The following OPHN1 variants were observed in gnomAD, a reference collection of about 807,000 sequenced individuals.
OPHN1 encodes the protein oligophrenin 1.
In OPHN1, 11 loss-of-function variants were observed where a neutral mutation model predicts 60.7. That is an observed-to-expected ratio of 0.18 (90% CI 0.11 to 0.30). The LOEUF (loss-of-function observed/expected upper bound fraction) is 0.30, where lower values mean the gene tolerates loss of function less well. OPHN1 is among the 10% of genes least tolerant of loss of function. The probability of loss-of-function intolerance (pLI) is 1.00; values close to 1 mark genes in which losing one functional copy is unlikely to be tolerated. For synonymous variants in OPHN1, 226 were observed against 222.6 expected (o/e 1.02, Z -0.14); for missense variants, 449 against 611.0 (o/e 0.73, Z 2.80).
At chrX:68,188,120 T>G (rs1481244050) in intron 15 of OPHN1, among the ~76,000 whole-genome samples, 1 of 112,056 alleles carries the variant, frequency 8.9e-6, no homozygotes, top group Non-Finnish European at 1.9e-5. Context: ...ACTGAAATTA[T>G]TTTTGCTAAG....
intron 11 of OPHN1, among the ~76,000 whole-genome samples, chrX:68,200,448 G>C (rs1026350448): frequency 9.0e-6 from 1 of 111,149 alleles, no homozygotes; most frequent in East Asian, 2.8e-4. Context: ...CTTGAGTTGG[G>C]GATATTATTT....
intron 2 of OPHN1, among the ~76,000 whole-genome samples, chrX:68,377,930 C>T (rs1314315022): frequency 8.9e-6 from 1 of 111,821 alleles, no homozygotes; most frequent in South Asian, 3.8e-4. Flanking sequence ...ATTTATACTC[C>T]TTTGGGTATA....
intron 2 of OPHN1, among the ~76,000 whole-genome samples, chrX:68,429,122 G>C (rs1472114768): frequency 9.0e-6 from 1 of 111,207 alleles, no homozygotes; most frequent in Non-Finnish European, 1.9e-5. Context: ...TTTTACAGAC[G>C]AAGTAAAAGT....
chrX:68,272,818 G>T (rs1260673251), intron 5 of OPHN1, among the ~76,000 whole-genome samples: 4 of 112,492 alleles, frequency 3.6e-5, no homozygotes, highest in African/African-American at 1.3e-4. Flanking sequence ...AACCATGGTA[G>T]CATATCCTTA....
chrX:68,418,886 C>T lies in OPHN1; in HGVS notation c.154+13981G>A, dbSNP rs191881833. The stretch of plus-strand genomic sequence containing the variant: ...GGAAATTATACTGTGATTATTTTTA[C>T]GAAGTATTATGTGTGGTATCACTAC... On this transcript the variant is annotated intron_variant, in intron 2 of 24. Coordinates refer to ENST00000355520, the MANE Select transcript of OPHN1 (RefSeq NM_002547.3). Among the ~76,000 whole-genome samples the T allele has an allele frequency of 2.0e-4, 22 of 111,765 alleles. No homozygotes were observed. In the East Asian group the frequency reaches 5.1e-3, roughly 26 times the overall value.
chrX:68,353,734 TG>T (rs2078425828), intron 2 of OPHN1, among the ~76,000 whole-genome samples: 1 of 112,211 alleles, frequency 8.9e-6, no homozygotes, highest in Non-Finnish European at 1.9e-5. Context: ...TTAACTTATT[TG>T]TAAGATTCCA....
chrX:68,168,580 C>G (rs1267306351), intron 15 of OPHN1, among the ~76,000 whole-genome samples: 1 of 111,151 alleles, frequency 9.0e-6, no homozygotes, highest in Non-Finnish European at 1.9e-5. Flanking sequence ...ACCTTAACAT[C>G]ACAATTAAAA....
At chrX:68,277,491 TA>T (rs897890915) in intron 4 of OPHN1, among the ~76,000 whole-genome samples, 1 of 111,875 alleles carries the variant, frequency 8.9e-6, no homozygotes, top group Non-Finnish European at 1.9e-5. Flanking sequence ...ATTTGCAGTT[TA>T]AAAAAATGTA....
chrX:68,077,949 T>C (rs1008549790), intron 19 of OPHN1, among the ~76,000 whole-genome samples: 9 of 112,151 alleles, frequency 8.0e-5, no homozygotes, highest in Admixed American at 4.7e-4. Flanking sequence ...TCTGTCATGT[T>C]AGGCAAGTCA....
At chrX:68,243,915 T>C (rs2077793392) in intron 5 of OPHN1, among the ~76,000 whole-genome samples, 1 of 112,298 alleles carries the variant, frequency 8.9e-6, no homozygotes, top group Non-Finnish European at 1.9e-5. Flanking sequence ...TATCACTGTA[T>C]CTGTCCAATA....
rs2076834298 is a variant in OPHN1, at chrX:68,046,943, A to G, written c.*229T>C. On this transcript the variant is annotated 3_prime_UTR_variant, in exon 25 of 25. Transcript: ENST00000355520. Reference sequence around the variant, plus strand: ...CTCTTCACAGTGTTATAGGAACTCAAAACAGACCTTCTGAGGGGATGAAGA... The same window carrying G: ...CTCTTCACAGTGTTATAGGAACTCAGAACAGACCTTCTGAGGGGATGAAGA... The G allele has an allele frequency of 9.0e-6, 1 of 111,671 alleles. No individual in the cohort carries two copies. 9.2% of individuals were successfully genotyped at this position (111,671 alleles called of 1,213,427 possible).
intron 2 of OPHN1, among the ~76,000 whole-genome samples, chrX:68,356,005 G>C (rs1053426524): frequency 1.8e-5 from 2 of 109,764 alleles, no homozygotes; most frequent in African/African-American, 6.6e-5. Flanking sequence ...GGCCGAGATT[G>C]TGCCACTGCA....
chrX:68,429,978 T>C (rs1267675768), intron 2 of OPHN1, among the ~76,000 whole-genome samples: 1 of 110,205 alleles, frequency 9.1e-6, no homozygotes, highest in Non-Finnish European at 1.9e-5. Context: ...ATGGCTGCAG[T>C]GAACTGCGAT....
At chrX:68,413,165 A>G (rs1176941868) in intron 2 of OPHN1, among the ~76,000 whole-genome samples, 1 of 111,735 alleles carries the variant, frequency 8.9e-6, no homozygotes, top group East Asian at 2.8e-4. Context: ...CCCTATTTAT[A>G]TATTTCTTCT....
At chrX:68,247,568 A>G (rs746787114) in intron 5 of OPHN1, among the ~76,000 whole-genome samples, 4 of 111,145 alleles carry the variant, frequency 3.6e-5, no homozygotes, top group Non-Finnish European at 7.5e-5. Flanking sequence ...GTAAAAAGAA[A>G]TGTTGACATT....
intron 21 of OPHN1, 113 bp from the exon 22 acceptor site, chrX:68,053,923 T>C: frequency 1.3e-6 from 1 of 782,392 alleles, no homozygotes; most frequent in Non-Finnish European, 1.8e-6. Context: ...CCTCCATTTC[T>C]TCTTGGTGAC....
chrX:68,249,021 C>A (rs1412762537), intron 5 of OPHN1, among the ~76,000 whole-genome samples: 1 of 111,390 alleles, frequency 9.0e-6, no homozygotes, highest in African/African-American at 3.3e-5. Context: ...TGAATAAGAC[C>A]TACTATCGGA....
chrX:68,253,667 T>A (rs754072121), intron 5 of OPHN1, among the ~76,000 whole-genome samples: 1 of 112,176 alleles, frequency 8.9e-6, no homozygotes, highest in South Asian at 3.7e-4. Flanking sequence ...TAAACCACAA[T>A]ATGCTTACAT....
intron 2 of OPHN1, among the ~76,000 whole-genome samples, chrX:68,374,283 G>A (rs2078544700): frequency 9.3e-6 from 1 of 107,555 alleles, no homozygotes; most frequent in South Asian, 4.2e-4. Context: ...TTGAACCTGG[G>A]AGGCAGAGGT....
Sources: allele counts gnomAD v4.1 joint callset (sites outside exome capture counted in the v4.1 genomes callset), GRCh38; gene constraint gnomAD v4.1.1; transcripts MANE v1.5; gene names NCBI Gene and HGNC (gene_info 2026-07-23, HGNC 2026-07-21).